Variants in PXN observed in about 807,000 individuals in gnomAD.
PXN encodes the protein paxillin.
A neutral mutation model predicts 103.6 loss-of-function variants in PXN; 61 were observed. The ratio of observed to expected loss-of-function variants is 0.59; its 90% CI spans 0.48 to 0.73. The LOEUF is 0.73. Among genes scored for constraint, PXN ranks in the 30% least tolerant of loss-of-function variants. The pLI is 0.00. For synonymous variants in PXN, 562 were observed against 607.8 expected, an observed-to-expected ratio of 0.92 and a Z score of 1.11; for missense variants, 1,274 against 1,460.3, an observed-to-expected ratio of 0.87 and a Z score of 2.08.
At chr12:120,239,792 T>G (rs1213128513) in intron 1 of PXN, among the ~76,000 whole-genome samples, 1 of 152,154 alleles carries the variant, frequency 6.6e-6, no homozygotes, top group Non-Finnish European at 1.5e-5. Context: ...ATAAAAAATC[T>G]GAGCTAATCT....
chr12:120,221,520 C>T lies in PXN; in HGVS notation c.831+103G>A. On this transcript the variant is annotated intron_variant, in intron 6 of 14. Coordinates refer to ENST00000637617, the MANE Select transcript of PXN (RefSeq NM_001385981.1). This position sits in a 1 kb window ranked among gnomAD's most constrained non-coding sequence, Gnocchi z 6.6. ...GTCCCTGGCTCAGGGGCAAGGCACC[C>T]AAACACTGAGATGCCAAGATCCAGC... 3.7e-6 allele frequency: 5 copies of T among 1,346,342 alleles called. No individual in the cohort carries two copies. Among genetic ancestry groups the T allele is most frequent in the Non-Finnish European group, 5.0e-6 (5 of 992,632 alleles). The allele number at this position is 1,346,342 out of a possible 1,614,324, so 83.4% of individuals were successfully genotyped here.
chr12:120,219,159 CA>C lies in PXN; in HGVS notation c.1716+47del. ...CAGTTAGCGAGGAGCGGCCCACACT[CA>C]GACCCGCCAATGGCCATGCCCAGCA... On this transcript the variant is annotated intron_variant, in intron 7 of 14. Coordinates refer to ENST00000637617, the MANE Select transcript of PXN (RefSeq NM_001385981.1). This position sits in a 1 kb window ranked among gnomAD's most constrained non-coding sequence, Gnocchi z 6.5. The C allele has an allele frequency of 4.7e-6, 7 of 1,479,612 alleles. No homozygotes were observed. The highest frequency in any genetic ancestry group is 6.3e-6 in the Non-Finnish European group (7 of 1,115,732). 91.7% of individuals were successfully genotyped at this position (1,479,612 alleles called of 1,614,324 possible). A position where few individuals can be genotyped will look rare whatever the true frequency, so the allele number is the denominator to read the frequency against.
At chr12:120,252,673 A>G (rs574934529) in intron 1 of PXN, among the ~76,000 whole-genome samples, 23 of 152,286 alleles carry the variant, frequency 1.5e-4, no homozygotes, top group African/African-American at 4.8e-4. Flanking sequence ...CCAAGTAGGA[A>G]TATGTGTGAG....
intron 1 of PXN, among the ~76,000 whole-genome samples, chr12:120,239,756 A>C (rs1889823656): frequency 6.6e-6 from 1 of 152,120 alleles, no homozygotes; most frequent in Admixed American, 6.6e-5. Flanking sequence ...GTCTCAGATA[A>C]ATAAATAAAT....
intron 3 of PXN, among the ~76,000 whole-genome samples, chr12:120,223,441 CA>C (rs1017113036): frequency 2.1e-5 from 3 of 141,352 alleles, no homozygotes; most frequent in African/African-American, 7.9e-5. Flanking sequence ...GACCCCGTCT[CA>C]AAAAAAAAGA....
chr12:120,224,163 G>C lies in PXN; in HGVS notation c.228C>G (p.Phe76Leu), dbSNP rs1222849251. ...GTCCCCGCCTCACCTGCTGGTGGAT[G>C]AATCGGGAGCTGCTGGGCTGCCACT... Reference protein sequence around the residue: ...LDQWQPSSSRFIHQQPQSSSP... With the variant: ...LDQWQPSSSRLIHQQPQSSSP... Residue 76 changes from phenylalanine (F) to leucine (L), a missense_variant, in exon 2 of 15, where the codon TTC (phenylalanine) becomes TTG (leucine). By Grantham distance (22) the Phe-to-Leu change is conservative. Coordinates refer to ENST00000637617, the MANE Select transcript of PXN (RefSeq NM_001385981.1). This position sits in a 1 kb window ranked among gnomAD's most constrained non-coding sequence, Gnocchi z 5.0. 1.3e-6 allele frequency: 2 copies of C among 1,581,898 alleles called. No homozygotes were observed. Among genetic ancestry groups the C allele is most frequent in the South Asian group, 2.3e-5 (2 of 87,356 alleles).
chr12:120,226,552 C>T (rs1415953412), intron 1 of PXN: 7 of 1,217,748 alleles, frequency 5.7e-6, no homozygotes, highest in East Asian at 5.8e-5. Context: ...AGGGACTCCA[C>T]CAAACACCCG....
At chr12:120,249,802 A>T (rs1233064527) in intron 1 of PXN, 1 of 950,334 alleles carries the variant, frequency 1.1e-6, no homozygotes, top group Non-Finnish European at 1.3e-6. Flanking sequence ...TGGAAAGTTC[A>T]GGACACAGCA....
chr12:120,215,379 G>A lies in PXN; in HGVS notation c.2404-106C>T, dbSNP rs768652163. 1.5e-5 allele frequency: 22 copies of A among 1,469,102 alleles called. No individual in the cohort carries two copies. The highest frequency in any genetic ancestry group is 1.2e-4 in the South Asian group (9 of 75,348). 91.0% of individuals were successfully genotyped at this position (1,469,102 alleles called of 1,614,324 possible). On this transcript the variant is annotated intron_variant, in intron 10 of 14. Transcript: ENST00000637617. The surrounding 1 kb of genome is among the most constrained non-coding windows in gnomAD (Gnocchi z 4.9). ...CTCCCTCCTGGACAGATGAGCTGATGGAGACAAGAAGTACAACCTCCTCCA... is the reference window on the plus strand; with the variant it reads ...CTCCCTCCTGGACAGATGAGCTGATAGAGACAAGAAGTACAACCTCCTCCA...
Position 120,221,233 on chromosome 12 carries a change from A to T in PXN, c.831+390T>A, listed in dbSNP as rs1885054363. Among the ~76,000 whole-genome samples, 1 of 152,150 alleles carries T rather than the reference A, an allele frequency of 6.6e-6. No homozygotes were observed. Among genetic ancestry groups the T allele is most frequent in the East Asian group, 1.9e-4 (1 of 5,192 alleles). On this transcript the variant is annotated intron_variant, in intron 6 of 14. Transcript: ENST00000637617. The surrounding 1 kb of genome is among the most constrained non-coding windows in gnomAD (Gnocchi z 6.6). ...CCAGGGCAAATGACCTCCCAGGCAC[A>T]GGCTCCCAAGTCCCACATGGCCCAG...
Position 120,215,817 on chromosome 12 carries a change from AAG to A in PXN, c.2302-158_2302-157del, listed in dbSNP as rs1700761492. ...AATTGGGGGAAAAAATCTGGAGAAA[AAG>A]AGCCCTGAGAGAGAGGCCTAGGGAG... On this transcript the variant is annotated intron_variant, in intron 9 of 14. Coordinates refer to ENST00000637617, the MANE Select transcript of PXN (RefSeq NM_001385981.1). The surrounding 1 kb of genome is among the most constrained non-coding windows in gnomAD (Gnocchi z 4.9). 5 of 1,289,824 alleles carry A rather than the reference AAG, an allele frequency of 3.9e-6. 1 individual carries two copies. In the South Asian group the frequency reaches 5.1e-5, roughly 13 times the overall value. The allele number at this position is 1,289,824 out of a possible 1,614,324, so 79.9% of individuals were successfully genotyped here. A position where few individuals can be genotyped will look rare whatever the true frequency, so the allele number is the denominator to read the frequency against.
chr12:120,230,319 C>T (rs1276618369), intron 1 of PXN, among the ~76,000 whole-genome samples: 1 of 152,182 alleles, frequency 6.6e-6, no homozygotes, highest in Non-Finnish European at 1.5e-5. Context: ...AAGTCCCTGT[C>T]CTAGGGGGTC....
intron 1 of PXN, among the ~76,000 whole-genome samples, chr12:120,241,336 G>C (rs991611196): frequency 6.6e-6 from 1 of 152,176 alleles, no homozygotes; most frequent in African/African-American, 2.4e-5. Flanking sequence ...GACCCAGGCA[G>C]CAAACTCCAG....
intron 1 of PXN, among the ~76,000 whole-genome samples, chr12:120,243,400 C>A (rs1828879024): frequency 1.3e-5 from 2 of 152,110 alleles, no homozygotes; most frequent in African/African-American, 4.8e-5. Context: ...TTTAAACACA[C>A]AACAAAAGGC....
intron 1 of PXN, among the ~76,000 whole-genome samples, chr12:120,244,283 G>A (rs1442216676): frequency 6.6e-6 from 1 of 151,638 alleles, no homozygotes; most frequent in East Asian, 1.9e-4. Flanking sequence ...GGAGGCTGAG[G>A]TGGGTGGATC....
At chr12:120,252,346 C>T (rs538894899) in intron 1 of PXN, among the ~76,000 whole-genome samples, 1 of 152,204 alleles carries the variant, frequency 6.6e-6, no homozygotes, top group South Asian at 2.1e-4. Context: ...CAGAAGAAAG[C>T]CTAATTTACA....
intron 1 of PXN, among the ~76,000 whole-genome samples, chr12:120,242,684 G>A (rs973753280): frequency 3.9e-5 from 6 of 152,034 alleles, no homozygotes; most frequent in South Asian, 2.1e-4. Context: ...TCAGGAGTCC[G>A]AGTCCAGCCT....
rs1008217361 is a variant in PXN, at chr12:120,214,908, G to T, written c.2665C>A (p.Arg889=). ...TTTTCACAGTAGGGCTGTCCATCCCGCTCGAAGAAGTTCCGGGATCCGATC... is the reference window on the plus strand; with the variant it reads ...TTTTCACAGTAGGGCTGTCCATCCCTCTCGAAGAAGTTCCGGGATCCGATC... ...EEIGSRNFFE[R]DGQPYCEKDY... is the part of the protein sequence containing the mutation. The change falls in exon 12 of 15, where the codon CGG becomes AGG. Residue 889 remains arginine, a synonymous_variant. Transcript: ENST00000637617. This position sits in a 1 kb window ranked among gnomAD's most constrained non-coding sequence, Gnocchi z 5.0. 1 of 1,614,012 alleles carries T rather than the reference G, an allele frequency of 6.2e-7. No homozygotes were observed. The highest frequency in any genetic ancestry group is 1.3e-5 in the African/African-American group (1 of 75,050).
intron 1 of PXN, among the ~76,000 whole-genome samples, chr12:120,257,460 T>C (rs1893197612): frequency 6.6e-6 from 1 of 152,282 alleles, no homozygotes; most frequent in South Asian, 2.1e-4. Context: ...CTCTGCACGC[T>C]GACATAGATG....
Sources: gnomAD v4.1 joint callset for allele counts (sites outside exome capture counted in the v4.1 genomes callset) on GRCh38, gnomAD v4.1.1 for gene constraint, Gnocchi (gnomAD v3.1) non-coding constraint, MANE v1.5 for transcripts, NCBI Gene and HGNC (gene_info 2026-07-23, HGNC 2026-07-21) for gene names.